The following PRPF18 variants were observed in gnomAD, a reference collection of about 807,000 sequenced individuals.
PRPF18 encodes pre-mRNA processing factor 18.
In PRPF18, 38 loss-of-function variants were observed where a neutral mutation model predicts 46.5. The observed-to-expected ratio is 0.82, with a 90% CI of 0.63 to 1.07. PRPF18 has a LOEUF of 1.07. Among genes scored for constraint, PRPF18 ranks in the 50% least tolerant of loss-of-function variants. PRPF18 has a pLI of 0.00. For synonymous variants in PRPF18, 152 were observed against 146.7 expected (o/e 1.04, Z -0.26); for missense variants, 263 against 410.0 (o/e 0.64, Z 3.10).
intron 1 of PRPF18, among the ~76,000 whole-genome samples, chr10:13,596,481 A>G (rs955733028): frequency 6.6e-6 from 1 of 152,186 alleles, no homozygotes; most frequent in Non-Finnish European, 1.5e-5. Context: ...CTTTGGAACT[A>G]TGAGGTGCTA....
At chr10:13,612,081 T>C (rs952783173) in intron 6 of PRPF18, among the ~76,000 whole-genome samples, 1 of 152,130 alleles carries the variant, frequency 6.6e-6, no homozygotes, top group African/African-American at 2.4e-5. Flanking sequence ...GGTTTCACCA[T>C]GTTGGCCACG....
At chr10:13,611,757 G>C in intron 6 of PRPF18, 74 bp downstream of exon 6, 10 of 1,362,672 alleles carry the variant, frequency 7.3e-6, no homozygotes, top group Non-Finnish European at 1.0e-5. Context: ...GGATTACCAA[G>C]GGTTAAAGGC....
In PRPF18 at chr10:13,597,516, T is replaced by C; in HGVS notation, c.125T>C (p.Phe42Ser). The change falls in exon 2 of 10, where the codon TTT (phenylalanine) becomes TCT (serine). Residue 42 changes from phenylalanine to serine, a missense_variant. This residue lies in a region of PRPF18 where 71 missense variants were observed against 69.2 expected (regional missense o/e 1.03). Coordinates refer to ENST00000378572, the MANE Select transcript of PRPF18 (RefSeq NM_003675.4). ...ELAKKEEEAY[F>S]ERCGYKIQPK... ...GCCAAAAAAGAAGAGGAAGCATATT[T>C]TGAAAGATGTGGCTACAAGGTATGA... 6.2e-7 allele frequency: 1 copy of C among 1,610,822 alleles called. No homozygotes were observed. Among genetic ancestry groups the C allele is most frequent in the Non-Finnish European group, 8.5e-7 (1 of 1,178,504 alleles).
At chr10:13,618,487 A>G (rs938832613) in intron 9 of PRPF18, among the ~76,000 whole-genome samples, 1 of 151,804 alleles carries the variant, frequency 6.6e-6, no homozygotes, top group Non-Finnish European at 1.5e-5. Context: ...CTAGCCAGGC[A>G]TGGTTGTGTG....
At chr10:13,654,782 G>C in the PRPF18 span, 25 of 497,938 alleles carry the variant, frequency 5.0e-5, no homozygotes, top group East Asian at 8.3e-4. Flanking sequence ...GCTGACCTGG[G>C]ATCCTAGGTC....
At chr10:13,649,446 G>A in the PRPF18 span, 5 of 126,838 alleles carry the variant, frequency 3.9e-5, no homozygotes, top group African/African-American at 1.1e-4. Flanking sequence ...GGATCTGGAT[G>A]ATGGGGTGGG....
chr10:13,630,098 AG>A (rs910059495), intron 9 of PRPF18, among the ~76,000 whole-genome samples, 161 bp from the exon 10 acceptor site: 1 of 152,218 alleles, frequency 6.6e-6, no homozygotes, highest in African/African-American at 2.4e-5. Flanking sequence ...GTGGACCTGC[AG>A]GTGCACAAGA....
intron 9 of PRPF18, among the ~76,000 whole-genome samples, chr10:13,623,873 A>G (rs2080457357): frequency 6.6e-6 from 1 of 152,222 alleles, no homozygotes; most frequent in Non-Finnish European, 1.5e-5. Context: ...TGATATTTGT[A>G]TATCATATCT....
At chr10:13,613,333 A>G (rs1354771209) in intron 6 of PRPF18, among the ~76,000 whole-genome samples, 4 of 152,144 alleles carry the variant, frequency 2.6e-5, no homozygotes, top group Admixed American at 2.0e-4. Flanking sequence ...AGGTGCTTTC[A>G]TGGTTTTTAA....
At chr10:13,641,498 A>G in the PRPF18 span, 1 of 137,528 alleles carries the variant, frequency 7.3e-6, no homozygotes, top group African/African-American at 2.6e-5. Context: ...ATTTAAAGCC[A>G]TGAGAGTAGA....
the PRPF18 span, chr10:13,655,218 A>C: frequency 6.6e-6 from 1 of 152,224 alleles, no homozygotes; most frequent in South Asian, 2.1e-4. Context: ...AGTAAACCTC[A>C]GATACAGCTT....
chr10:13,605,940 A>G (rs1335544822), intron 4 of PRPF18, among the ~76,000 whole-genome samples, 196 bp downstream of exon 4: 2 of 152,222 alleles, frequency 1.3e-5, no homozygotes, highest in Non-Finnish European at 2.9e-5. Flanking sequence ...ACAAATACAT[A>G]CAAGCATATA....
downstream of PRPF18, among the ~76,000 whole-genome samples, chr10:13,635,577 A>G (rs758536229): frequency 6.6e-6 from 1 of 152,084 alleles, no homozygotes; most frequent in Non-Finnish European, 1.5e-5. Context: ...TAATTTTTTG[A>G]TAATAGCCAT....
At chr10:13,592,931 A>G (rs1482770009) in intron 1 of PRPF18, among the ~76,000 whole-genome samples, 1 of 152,240 alleles carries the variant, frequency 6.6e-6, no homozygotes, top group Non-Finnish European at 1.5e-5. Flanking sequence ...AACAGCTAAC[A>G]CCACTAGAGT....
At chr10:13,627,984 T>C (rs1441732993) in intron 9 of PRPF18, among the ~76,000 whole-genome samples, 1 of 149,440 alleles carries the variant, frequency 6.7e-6, no homozygotes, top group East Asian at 2.2e-4. Context: ...AACCTTAAGA[T>C]GCCAAATTAG....
At chr10:13,626,767 T>C (rs1301814748) in intron 9 of PRPF18, among the ~76,000 whole-genome samples, 2 of 151,546 alleles carry the variant, frequency 1.3e-5, no homozygotes, top group African/African-American at 4.8e-5. Context: ...AAGAGTGAGG[T>C]AGAGGACTGC....
intron 9 of PRPF18, among the ~76,000 whole-genome samples, chr10:13,622,721 T>C (rs1331113612): frequency 2.6e-5 from 4 of 152,204 alleles, no homozygotes; most frequent in African/African-American, 7.2e-5. Flanking sequence ...TTTAGTTTTT[T>C]GATAAGTCCT....
At chr10:13,642,233 G>T in the PRPF18 span, 1 of 152,188 alleles carries the variant, frequency 6.6e-6, no homozygotes, top group Non-Finnish European at 1.5e-5. Flanking sequence ...TAATGCTAGT[G>T]TCCTCCTTTC....
At chr10:13,613,455 A>G (rs1345191910) in intron 6 of PRPF18, among the ~76,000 whole-genome samples, 1 of 152,152 alleles carries the variant, frequency 6.6e-6, no homozygotes, top group Admixed American at 6.5e-5. Flanking sequence ...ATTTCCTCTC[A>G]AATAGTTAAC....
Sources: allele counts gnomAD v4.1 joint callset (sites outside exome capture counted in the v4.1 genomes callset), GRCh38; gene constraint gnomAD v4.1.1; regional missense constraint gnomAD v4.1.1; transcripts MANE v1.5; gene names NCBI Gene and HGNC (gene_info 2026-07-23, HGNC 2026-07-21).